Variants in NIPAL2 observed in about 807,000 individuals in gnomAD.
NIPAL2 encodes the protein NIPA like domain containing 2.
NIPAL2 carries 43 observed loss-of-function variants against 48.9 expected under a neutral mutation model. That is an observed-to-expected ratio of 0.88 (90% CI 0.69 to 1.13). The LOEUF (loss-of-function observed/expected upper bound fraction) is 1.13. Ranked by LOEUF, NIPAL2 falls within the 50% of genes most tolerant of loss-of-function variation. NIPAL2 has a pLI of 0.00. For synonymous variants in NIPAL2, 167 were observed against 174.6 expected, an observed-to-expected ratio of 0.96 and a Z score of 0.34; for missense variants, 446 against 461.4, an observed-to-expected ratio of 0.97 and a Z score of 0.31.
At chr8:98,259,119 C>T (rs1381851156) in intron 1 of NIPAL2, among the ~76,000 whole-genome samples, 1 of 125,908 alleles carries the variant, frequency 7.9e-6, no homozygotes, top group Non-Finnish European at 1.6e-5. Context: ...CTCTGTCGCC[C>T]AGGCTGGAGT....
At chr8:98,261,443 G>A (rs2130852644) in intron 1 of NIPAL2, among the ~76,000 whole-genome samples, 1 of 146,842 alleles carries the variant, frequency 6.8e-6, no homozygotes, top group African/African-American at 2.6e-5. Context: ...AGGAGCTGAT[G>A]GAGCTGAAAA....
At chr8:98,237,470 TC>T (rs1257012990) in intron 3 of NIPAL2, among the ~76,000 whole-genome samples, 2 of 151,662 alleles carry the variant, frequency 1.3e-5, no homozygotes, top group Non-Finnish European at 2.9e-5. Flanking sequence ...ACCTCCCATT[TC>T]CCCCTTTTCC....
At chr8:98,214,517 A>G (rs1163119629) in intron 5 of NIPAL2, among the ~76,000 whole-genome samples, 1 of 151,904 alleles carries the variant, frequency 6.6e-6, no homozygotes, top group South Asian at 2.1e-4. Context: ...GTAAGTATGA[A>G]TGTTTACTTA....
chr8:98,281,341 G>A (rs746870254), intron 1 of NIPAL2, among the ~76,000 whole-genome samples: 1 of 152,050 alleles, frequency 6.6e-6, no homozygotes, highest in African/African-American at 2.4e-5. Context: ...CAGATGCTGG[G>A]AAGGGTACTG....
chr8:98,241,562 G>A (rs188681650), intron 3 of NIPAL2, among the ~76,000 whole-genome samples: 1 of 152,236 alleles, frequency 6.6e-6, no homozygotes, highest in African/African-American at 2.4e-5. Flanking sequence ...AAAAAATGGA[G>A]AGTCTCAAGC....
Position 98,222,620 on chromosome 8 carries a change from G to T in NIPAL2, c.437-20C>A. The T allele has an allele frequency of 6.2e-7, 1 of 1,610,752 alleles. No individual in the cohort carries two copies. Among genetic ancestry groups the T allele is most frequent in the Non-Finnish European group, 8.5e-7 (1 of 1,179,074 alleles). On this transcript the variant is annotated intron_variant, in intron 4 of 10. Transcript: ENST00000430223. ...TCGTACCTTTAAATAAAATTGAAAAGAAAAACCAAATTGAAACCAACCTAA... is the reference window on the plus strand; with the variant it reads ...TCGTACCTTTAAATAAAATTGAAAATAAAAACCAAATTGAAACCAACCTAA...
chr8:98,234,744 G>T (rs1470740669), intron 4 of NIPAL2, among the ~76,000 whole-genome samples: 1 of 147,474 alleles, frequency 6.8e-6, no homozygotes, highest in African/African-American at 2.5e-5. Context: ...TAGAGACGGG[G>T]TTTTGCCATG....
chr8:98,290,443 CCTT>C (rs1267908764), intron 1 of NIPAL2, among the ~76,000 whole-genome samples: 2 of 152,186 alleles, frequency 1.3e-5, no homozygotes, highest in African/African-American at 2.4e-5. Context: ...ACAAAATCCT[CCTT>C]CTCATTATTT....
intron 1 of NIPAL2, among the ~76,000 whole-genome samples, chr8:98,276,096 T>C (rs1815442329): frequency 6.6e-6 from 1 of 152,192 alleles, no homozygotes; most frequent in Non-Finnish European, 1.5e-5. Flanking sequence ...TGAAACATCA[T>C]CATCACCCAA....
chr8:98,194,108 G>T (rs1286470387), intron 10 of NIPAL2, among the ~76,000 whole-genome samples: 4 of 152,130 alleles, frequency 2.6e-5, no homozygotes, highest in African/African-American at 9.7e-5. Context: ...CCCCAGTAAG[G>T]CTGGAGAGTG....
intron 1 of NIPAL2, among the ~76,000 whole-genome samples, chr8:98,261,142 A>G (rs986442890): frequency 7.9e-5 from 12 of 151,422 alleles, no homozygotes; most frequent in African/African-American, 2.7e-4. Flanking sequence ...CACCATCATC[A>G]GAGACCAAAA....
At chr8:98,260,699 G>T (rs1275534067) in intron 1 of NIPAL2, among the ~76,000 whole-genome samples, 1 of 152,232 alleles carries the variant, frequency 6.6e-6, no homozygotes, top group Non-Finnish European at 1.5e-5. Context: ...GCGAGGCTGG[G>T]GGAGGGGTGC....
At chr8:98,252,930 T>G (rs1369888867) in intron 2 of NIPAL2, among the ~76,000 whole-genome samples, 1 of 152,132 alleles carries the variant, frequency 6.6e-6, no homozygotes, top group Non-Finnish European at 1.5e-5. Flanking sequence ...AATAAACATT[T>G]CATACATTTT....
At chr8:98,271,539 A>G (rs532741822) in intron 1 of NIPAL2, among the ~76,000 whole-genome samples, 2 of 151,958 alleles carry the variant, frequency 1.3e-5, no homozygotes, top group African/African-American at 4.8e-5. Flanking sequence ...TTTTTTGTGA[A>G]TTTTGTATCT....
intron 1 of NIPAL2, among the ~76,000 whole-genome samples, chr8:98,265,339 C>T (rs1814647782): frequency 6.8e-6 from 1 of 146,268 alleles, no homozygotes; most frequent in African/African-American, 2.5e-5. Flanking sequence ...TCAGAGTGAA[C>T]AGGCAACCTA....
chr8:98,232,344 G>C (rs1189150368), intron 4 of NIPAL2, among the ~76,000 whole-genome samples: 1 of 152,098 alleles, frequency 6.6e-6, no homozygotes, highest in African/African-American at 2.4e-5. Flanking sequence ...CATTAAGTTA[G>C]GTAGGAAAAA....
At position 98,191,851 on chromosome 8, in the gene NIPAL2, C is replaced by T. The variant is rs1729698381; in HGVS notation, c.*1127G>A. 3.3e-5 allele frequency: 5 copies of T among 152,332 alleles called. No individual in the cohort carries two copies. In the South Asian group the frequency reaches 1.0e-3, roughly 32 times the overall value. The allele number at this position is 152,332 out of a possible 1,614,324, so 9.4% of individuals were successfully genotyped here. ...GGAAACAGGAGGACTTGGGCTTCCTCTTGAAGCTCAGGTTTGACCACTGGG... is the reference window on the plus strand; with the variant it reads ...GGAAACAGGAGGACTTGGGCTTCCTTTTGAAGCTCAGGTTTGACCACTGGG... On this transcript the variant is annotated 3_prime_UTR_variant, in exon 11 of 11. Coordinates refer to ENST00000430223, the MANE Select transcript of NIPAL2 (RefSeq NM_001321635.2).
chr8:98,204,144 T>A (rs970954648), intron 7 of NIPAL2, among the ~76,000 whole-genome samples: 1 of 152,146 alleles, frequency 6.6e-6, no homozygotes, highest in Non-Finnish European at 1.5e-5. Context: ...ATAATGCCAC[T>A]AATCCCAAAA....
chr8:98,248,115 T>C (rs1419310789), intron 3 of NIPAL2, among the ~76,000 whole-genome samples: 2 of 152,224 alleles, frequency 1.3e-5, no homozygotes, highest in African/African-American at 4.8e-5. Context: ...TGGAAATTCT[T>C]CTATTTTCCA....
Sources: allele counts gnomAD v4.1 joint callset (sites outside exome capture counted in the v4.1 genomes callset), GRCh38; gene constraint gnomAD v4.1.1; transcripts MANE v1.5; gene names NCBI Gene and HGNC (gene_info 2026-07-23, HGNC 2026-07-21).